Variants in TP63 observed in about 807,000 individuals in gnomAD.
The protein encoded by TP63 is tumor protein p63.
In TP63, 17 loss-of-function variants were observed where a neutral mutation model predicts 82.8. That is an observed-to-expected ratio of 0.21 (90% confidence interval 0.14 to 0.31). TP63 has a LOEUF of 0.31. Among genes scored for constraint, TP63 ranks in the 10% least tolerant of loss-of-function variants. TP63 has a pLI of 1.00. For synonymous variants in TP63, 330 were observed against 321.7 expected (o/e 1.03, Z -0.28); for missense variants, 648 against 895.3 (o/e 0.72, Z 3.52).
At chr3:189,824,004 T>G in intron 4 of TP63, among the ~76,000 whole-genome samples, 1 of 152,064 alleles carries the variant, frequency 6.6e-6, no homozygotes, top group East Asian at 1.9e-4. Flanking sequence ...CTCTCACACC[T>G]AGCAATAAAT....
chr3:189,789,597 AG>A, intron 3 of TP63: 2 of 1,239,168 alleles, frequency 1.6e-6, no homozygotes, highest in Non-Finnish European at 2.1e-6. Flanking sequence ...ACAGGTAAAG[AG>A]AAGAGTCCCG....
intron 3 of TP63, among the ~76,000 whole-genome samples, chr3:189,758,699 C>T (rs959983903): frequency 9.2e-5 from 14 of 152,290 alleles, no homozygotes; most frequent in African/African-American, 2.6e-4. Flanking sequence ...CTTTATTCTG[C>T]GGAGGCAAGA....
intron 1 of TP63, among the ~76,000 whole-genome samples, chr3:189,678,049 G>A (rs1715598168): frequency 6.6e-6 from 1 of 151,966 alleles, no homozygotes; most frequent in Non-Finnish European, 1.5e-5. Flanking sequence ...TCTGCAGATT[G>A]TCTGTTCACT....
At chr3:189,726,481 G>C (rs1719785639) in intron 1 of TP63, among the ~76,000 whole-genome samples, 1 of 152,102 alleles carries the variant, frequency 6.6e-6, no homozygotes, top group East Asian at 1.9e-4. Flanking sequence ...ATTTTGTACT[G>C]AAGTATTCCA....
rs561366885 is a variant in TP63, at chr3:189,683,636, A to G, written c.62+52059A>G. Among the ~76,000 whole-genome samples the G allele has an allele frequency of 2.6e-5, 4 of 152,364 alleles. No individual in the cohort carries two copies. The East Asian group carries it at 5.8e-4, about 22-fold the overall frequency. Reference sequence around the variant, plus strand: ...TTCCATCCCCTATCATATTTAGCATATTGAATGTCCCACTATATAGTTGGA... The same window carrying G: ...TTCCATCCCCTATCATATTTAGCATGTTGAATGTCCCACTATATAGTTGGA... On this transcript the variant is annotated intron_variant, in intron 1 of 13. Transcript: ENST00000264731.
At chr3:189,875,599 T>TATATATATAC (rs1718982701) in intron 10 of TP63, among the ~76,000 whole-genome samples, 1 of 42,092 alleles carries the variant, frequency 2.4e-5, no homozygotes, top group African/African-American at 8.2e-5. Context: ...CATACATATA[T>TATATATATAC]ATATATATAT....
At chr3:189,665,805 A>C in intron 1 of TP63, among the ~76,000 whole-genome samples, 1 of 152,118 alleles carries the variant, frequency 6.6e-6, no homozygotes, top group East Asian at 1.9e-4. Flanking sequence ...ACATTTAGGA[A>C]AGTTCATGTA....
intron 3 of TP63, among the ~76,000 whole-genome samples, chr3:189,780,678 C>T (rs534526877): frequency 6.6e-6 from 1 of 152,266 alleles, no homozygotes; most frequent in African/African-American, 2.4e-5. Context: ...GAGACAGGTG[C>T]TTTTTCTCCC....
intron 1 of TP63, among the ~76,000 whole-genome samples, chr3:189,700,186 A>G (rs1717695540): frequency 6.6e-6 from 1 of 152,174 alleles, no homozygotes; most frequent in African/African-American, 2.4e-5. Context: ...AAAGATGATC[A>G]TTTTGATTTT....
At chr3:189,681,580 C>T (rs566682813) in intron 1 of TP63, among the ~76,000 whole-genome samples, 13 of 152,280 alleles carry the variant, frequency 8.5e-5, no homozygotes, top group Non-Finnish European at 1.5e-4. Context: ...TTTCAGCTCA[C>T]GTGCTCCATA....
At chr3:189,614,819 A>G in the TP63 span, among the ~76,000 whole-genome samples, 1 of 152,200 alleles carries the variant, frequency 6.6e-6, no homozygotes, top group East Asian at 1.9e-4. Context: ...CTGCTGAACT[A>G]TATGTATATC....
At chr3:189,690,788 T>G (rs1445588978) in intron 1 of TP63, among the ~76,000 whole-genome samples, 1 of 152,196 alleles carries the variant, frequency 6.6e-6, no homozygotes, top group Non-Finnish European at 1.5e-5. Context: ...TGATCATTAC[T>G]GGATTATTTT....
At chr3:189,815,185 A>ATT (rs72287902) in intron 4 of TP63, among the ~76,000 whole-genome samples, 9,917 of 149,446 alleles carry the variant, frequency 0.066, 362 homozygotes, top group Admixed American at 0.086. Context: ...ATCTTTCTTT[A>ATT]TTTTTTTTTA....
chr3:189,692,103 G>C (rs552760457), intron 1 of TP63, among the ~76,000 whole-genome samples: 2 of 152,120 alleles, frequency 1.3e-5, no homozygotes, highest in African/African-American at 4.8e-5. Flanking sequence ...TTATTTTATT[G>C]ATAAACAGCA....
At chr3:189,630,810 G>A (rs1475643417), upstream of TP63, among the ~76,000 whole-genome samples, 2 of 151,258 alleles carry the variant, frequency 1.3e-5, no homozygotes, top group Non-Finnish European at 3.0e-5. Context: ...TAGCTGAGAG[G>A]AAGAGTGAGT....
chr3:189,673,358 A>G (rs1715098945), intron 1 of TP63, among the ~76,000 whole-genome samples: 1 of 152,138 alleles, frequency 6.6e-6, no homozygotes, highest in Non-Finnish European at 1.5e-5. Flanking sequence ...ATTCTTGGCA[A>G]TTATCTTCAA....
chr3:189,682,543 AAAAAAAAAAAAT>A (rs1453305146), intron 1 of TP63, among the ~76,000 whole-genome samples: 488 of 23,954 alleles, frequency 0.02, 14 homozygotes, highest in South Asian at 0.03. Context: ...GGGGAAAAAA[AAAAAAAAAAAAT>A]ATATATATAT....
intron 1 of TP63, among the ~76,000 whole-genome samples, chr3:189,707,368 C>G (rs553506923): frequency 6.6e-6 from 1 of 152,038 alleles, no homozygotes; most frequent in Admixed American, 6.5e-5. Context: ...TAATATTGTA[C>G]TATGTAGATT....
At chr3:189,891,579 T>C (rs1721021226) in intron 13 of TP63, among the ~76,000 whole-genome samples, 1 of 152,242 alleles carries the variant, frequency 6.6e-6, no homozygotes, top group Non-Finnish European at 1.5e-5. Flanking sequence ...GGGTTATCAC[T>C]TTGCCTCTCT....
Sources: allele counts gnomAD v4.1 joint callset (sites outside exome capture counted in the v4.1 genomes callset), GRCh38; gene constraint gnomAD v4.1.1; transcripts MANE v1.5; gene names NCBI Gene and HGNC (gene_info 2026-07-23, HGNC 2026-07-21).